Variants in EIF3F observed in about 807,000 individuals in gnomAD.
EIF3F encodes eukaryotic translation initiation factor 3 subunit F.
Under a neutral mutation model 36.0 loss-of-function variants are expected in EIF3F, and 8 were observed. That is an observed-to-expected ratio of 0.22 (90% CI 0.13 to 0.40). The LOEUF is 0.40. EIF3F is among the 10% of genes least tolerant of loss of function. EIF3F has a pLI of 1.00. For synonymous variants in EIF3F, 184 were observed against 188.5 expected, an observed-to-expected ratio of 0.98 and a Z score of 0.19; for missense variants, 430 against 467.6, an observed-to-expected ratio of 0.92 and a Z score of 0.74.
intron 3 of EIF3F, 132 bp from the exon 4 acceptor site, chr11:7,992,755 C>A: frequency 1.8e-6 from 2 of 1,136,324 alleles, no homozygotes; most frequent in Non-Finnish European, 2.6e-6. Context: ...GTGTGTATTG[C>A]TCTTGGCAGT....
rs973274950 is a variant in EIF3F at position 8,000,715 on chromosome 11, T to A, written c.*4693T>A. The stretch of plus-strand genomic sequence containing the variant: ...TGTTTTCAAGCAAGTAAAGATAGAT[T>A]ACTTAAGAGCGAATGAGTGGTAATT... On this transcript the variant is annotated 3_prime_UTR_variant, in exon 8 of 8. Coordinates refer to ENST00000651655, the MANE Select transcript of EIF3F (RefSeq NM_003754.3). The A allele has an allele frequency of 5.3e-5, 8 of 152,162 alleles. No homozygotes were observed. Among genetic ancestry groups the A allele is most frequent in the African/African-American group, 1.9e-4 (8 of 41,450 alleles). The allele number at this position is 152,162 out of a possible 1,614,324, so 9.4% of individuals were successfully genotyped here.
intron 1 of EIF3F, among the ~76,000 whole-genome samples, chr11:7,989,384 A>G (rs1426619115): frequency 6.6e-6 from 1 of 152,210 alleles, no homozygotes; most frequent in Non-Finnish European, 1.5e-5. Flanking sequence ...TCTAATCTAC[A>G]TCCTCAGATC....
intron 5 of EIF3F, 47 bp downstream of exon 5, chr11:7,994,564 G>C (rs753282970): frequency 6.4e-7 from 1 of 1,562,208 alleles, no homozygotes; most frequent in Non-Finnish European, 8.7e-7. Flanking sequence ...GGCATTTTCA[G>C]GGAAGGGGGC....
rs567815832 is a variant in EIF3F at position 8,001,411 on chromosome 11, A to G, written c.*5389A>G. 1 of 152,240 alleles carries G rather than the reference A, an allele frequency of 6.6e-6. No homozygotes were observed. Among genetic ancestry groups the G allele is most frequent in the Non-Finnish European group, 1.5e-5 (1 of 68,040 alleles). The allele number at this position is 152,240 out of a possible 1,614,324, so 9.4% of individuals were successfully genotyped here. On this transcript the variant is annotated 3_prime_UTR_variant, in exon 8 of 8. Transcript: ENST00000651655. ...AAATAAACTGGTCTCGTTATGACACAATGTAATGAATACATAGATAAGTAC... is the reference window on the plus strand; with the variant it reads ...AAATAAACTGGTCTCGTTATGACACGATGTAATGAATACATAGATAAGTAC...
chr11:7,995,942 C>T lies in EIF3F; in HGVS notation c.997-3C>T, dbSNP rs937186725. 1 of 1,613,810 alleles carries T rather than the reference C, an allele frequency of 6.2e-7. No individual in the cohort carries two copies. The highest frequency in any genetic ancestry group is 8.5e-7 in the Non-Finnish European group (1 of 1,179,748). On this transcript the variant is annotated splice_polypyrimidine_tract_variant and splice_region_variant and intron_variant, in intron 7 of 7. Coordinates refer to ENST00000651655, the MANE Select transcript of EIF3F (RefSeq NM_003754.3). ...CACTCATTGTGTATTCTTTGTCTTC[C>T]AGGACCTTTTGATGGTGACCTACCT...
chr11:7,995,867 C>T, intron 7 of EIF3F, 78 bp from the exon 8 acceptor site: 2 of 1,157,850 alleles, frequency 1.7e-6, no homozygotes, highest in East Asian at 4.7e-5. Context: ...CAGTGTCTAC[C>T]ATAGAGCTGG....
Position 7,997,042 on chromosome 11 carries a change from A to G in EIF3F, c.*1020A>G, listed in dbSNP as rs570852614. On this transcript the variant is annotated 3_prime_UTR_variant, in exon 8 of 8. Coordinates refer to ENST00000651655, the MANE Select transcript of EIF3F (RefSeq NM_003754.3). ...GCACAGATAAGTGGTAGATACTATG[A>G]TGCCTAAAGGTGAATAGTTTGAAAG... 1 of 152,320 alleles carries G rather than the reference A, an allele frequency of 6.6e-6. No homozygotes were observed. The highest frequency in any genetic ancestry group is 1.9e-4 in the East Asian group (1 of 5,190). 9.4% of individuals were successfully genotyped at this position (152,320 alleles called of 1,614,324 possible). A position where few individuals can be genotyped will look rare whatever the true frequency, so the allele number is the denominator to read the frequency against.
rs150661190 is a variant in EIF3F, at chr11:7,999,096, T to TA, written c.*3083dup. 0.13 allele frequency: 19,683 copies of TA among 150,546 alleles called. 1,540 individuals carry two copies. The highest frequency in any genetic ancestry group is 0.24 in the Middle Eastern group (71 of 290). 9.3% of individuals were successfully genotyped at this position (150,546 alleles called of 1,614,324 possible). A position where few individuals can be genotyped will look rare whatever the true frequency, so the allele number is the denominator to read the frequency against. On this transcript the variant is annotated 3_prime_UTR_variant, in exon 8 of 8. Coordinates refer to ENST00000651655, the MANE Select transcript of EIF3F (RefSeq NM_003754.3). ...CAACATGGCAAAACCCCGTCTCTAC[T>TA]AAAAAAAAACAAAAAATACAAAAAT...
At chr11:7,989,490 T>C (rs1942066244) in intron 1 of EIF3F, among the ~76,000 whole-genome samples, 1 of 152,204 alleles carries the variant, frequency 6.6e-6, no homozygotes, top group African/African-American at 2.4e-5. Context: ...TATGAACTTA[T>C]TTCCTTAGAT....
chr11:7,995,574 T>G, intron 7 of EIF3F: 1 of 605,108 alleles, frequency 1.7e-6, no homozygotes, highest in Non-Finnish European at 3.0e-6. Flanking sequence ...ATGATTCCAT[T>G]GTCTCATTTA....
At chr11:7,994,920 A>C (rs1942143546) in intron 5 of EIF3F, 62 bp from the exon 6 acceptor site, 3 of 1,593,770 alleles carry the variant, frequency 1.9e-6, no homozygotes, top group Non-Finnish European at 2.6e-6. Context: ...TGGTGGGATG[A>C]CTGAATTCTC....
intron 1 of EIF3F, 44 bp downstream of exon 1, chr11:7,987,760 T>C (rs760620580): frequency 3.5e-6 from 5 of 1,444,414 alleles, no homozygotes; most frequent in Non-Finnish European, 9.1e-7. Context: ...TCCTCCCACT[T>C]CTCATTTATC....
Position 7,996,754 on chromosome 11 carries a change from C to T in EIF3F, c.*732C>T, listed in dbSNP as rs975339107. ...GGTATCCTGGAGTTCCGCCTCGCCACTGTGTGTCTTAGAAATAAGTCATTA... is the reference window on the plus strand; with the variant it reads ...GGTATCCTGGAGTTCCGCCTCGCCATTGTGTGTCTTAGAAATAAGTCATTA... On this transcript the variant is annotated 3_prime_UTR_variant, in exon 8 of 8. Transcript: ENST00000651655. 2 of 152,130 alleles carry T rather than the reference C, an allele frequency of 1.3e-5. No individual in the cohort carries two copies. Among genetic ancestry groups the T allele is most frequent in the African/African-American group, 4.8e-5 (2 of 41,422 alleles). The allele number at this position is 152,130 out of a possible 1,614,324, so 9.4% of individuals were successfully genotyped here.
At chr11:7,993,327 G>C (rs4076921) in intron 4 of EIF3F, among the ~76,000 whole-genome samples, 24,552 of 152,056 alleles carry the variant, frequency 0.16, 2,132 homozygotes, top group African/African-American at 0.23. Context: ...ATCATCACAT[G>C]GTATTCTTGT....
At chr11:7,990,135 G>T (rs945359487) in intron 1 of EIF3F, among the ~76,000 whole-genome samples, 1 of 152,224 alleles carries the variant, frequency 6.6e-6, no homozygotes, top group African/African-American at 2.4e-5. Flanking sequence ...AAATATCAGG[G>T]ATGACTTCTA....
rs934789670 is a variant in EIF3F, at chr11:7,997,830, A to G, written c.*1808A>G. On this transcript the variant is annotated 3_prime_UTR_variant, in exon 8 of 8. Coordinates refer to ENST00000651655, the MANE Select transcript of EIF3F (RefSeq NM_003754.3). ...AACCAACTACAGGTTGAAAATATTG[A>G]GGGGGAAAATTGTGTCTGGACTAAA... 6.6e-6 allele frequency: 1 copy of G among 152,174 alleles called. No homozygotes were observed. Among genetic ancestry groups the G allele is most frequent in the African/African-American group, 2.4e-5 (1 of 41,432 alleles). The allele number at this position is 152,174 out of a possible 1,614,324, so 9.4% of individuals were successfully genotyped here.
intron 7 of EIF3F, 58 bp downstream of exon 7, chr11:7,995,425 C>A: frequency 7.4e-7 from 1 of 1,359,324 alleles, no homozygotes; most frequent in Non-Finnish European, 1.1e-6. Flanking sequence ...TCAGCACATA[C>A]ACTCAAATGT....
At chr11:7,993,722 G>C (rs1942125490) in intron 4 of EIF3F, among the ~76,000 whole-genome samples, 1 of 152,144 alleles carries the variant, frequency 6.6e-6, no homozygotes, top group East Asian at 1.9e-4. Context: ...TACACAGTAA[G>C]ACAAAGATGG....
chr11:7,995,330 C>T lies in EIF3F; in HGVS notation c.959C>T (p.Pro320Leu), dbSNP rs1256930745. Residue 320 changes from proline (P) to leucine (L), a missense_variant, in exon 7 of 8, where the codon CCC (proline) becomes CTC (leucine). Physicochemically the swap from Pro to Leu is moderately conservative, Grantham distance 98. Transcript: ENST00000651655. ...SLVNQVPKIVPDDFETMLNSN... is the reference protein window; with the variant it reads ...SLVNQVPKIVLDDFETMLNSN... ...GTTAACCAAGTACCGAAAATAGTTC[C>T]CGATGACTTTGAGACCATGCTCAAC... The T allele has an allele frequency of 1.2e-6, 2 of 1,613,998 alleles. No individual in the cohort carries two copies. The highest frequency in any genetic ancestry group is 2.2e-5 in the East Asian group (1 of 44,892).
Sources: allele counts gnomAD v4.1 joint callset (sites outside exome capture counted in the v4.1 genomes callset), GRCh38; gene constraint gnomAD v4.1.1; transcripts MANE v1.5; gene names NCBI Gene and HGNC (gene_info 2026-07-23, HGNC 2026-07-21).